Variants in ANKRD28 observed in about 807,000 individuals in gnomAD.
ANKRD28 encodes the protein ankyrin repeat domain 28.
ANKRD28 carries 44 observed loss-of-function variants against 126.5 expected under a neutral mutation model. The observed-to-expected ratio is 0.35, with a 90% CI of 0.27 to 0.45. The LOEUF is 0.45. Ranked by LOEUF, ANKRD28 falls within the 20% of genes least tolerant of loss-of-function variation. ANKRD28 has a pLI of 1.00. For synonymous variants in ANKRD28, 442 were observed against 468.5 expected, an observed-to-expected ratio of 0.94 and a Z score of 0.73; for missense variants, 1,110 against 1,316.6, an observed-to-expected ratio of 0.84 and a Z score of 2.43.
At chr3:15,848,797 A>T (rs1176641488) in intron 1 of ANKRD28, among the ~76,000 whole-genome samples, 13 of 152,208 alleles carry the variant, frequency 8.5e-5, no homozygotes, top group African/African-American at 2.7e-4. Flanking sequence ...ATGATGAAAG[A>T]TCATGAACAA....
At chr3:15,749,881 A>G (rs2057753769) in intron 4 of ANKRD28, among the ~76,000 whole-genome samples, 1 of 152,204 alleles carries the variant, frequency 6.6e-6, no homozygotes, top group African/African-American at 2.4e-5. Flanking sequence ...GGATACTAGC[A>G]CCTGCTCCAG....
At chr3:15,709,577 A>T (rs2071948703) in intron 13 of ANKRD28, 91 bp downstream of exon 13, 5 of 836,780 alleles carry the variant, frequency 6.0e-6, no homozygotes, top group Non-Finnish European at 9.5e-6. Flanking sequence ...AAGATGCTAA[A>T]TTGTTCAGTT....
At chr3:15,847,651 C>T (rs960656822) in intron 1 of ANKRD28, among the ~76,000 whole-genome samples, 2 of 152,226 alleles carry the variant, frequency 1.3e-5, no homozygotes, top group African/African-American at 4.8e-5. Context: ...CCTTCTCCTT[C>T]AGCCCCTACT....
intron 2 of ANKRD28, among the ~76,000 whole-genome samples, chr3:15,784,714 T>G (rs1440736503): frequency 6.6e-6 from 1 of 151,978 alleles, no homozygotes; most frequent in Non-Finnish European, 1.5e-5. Context: ...AGACAAAAAT[T>G]GTCAGACTCG....
At chr3:15,760,337 A>T (rs1464715060) in intron 3 of ANKRD28, among the ~76,000 whole-genome samples, 1 of 152,212 alleles carries the variant, frequency 6.6e-6, no homozygotes, top group Non-Finnish European at 1.5e-5. Flanking sequence ...CCTGAACTTA[A>T]AATTTGGTTA....
At chr3:15,842,933 C>G (rs148238794) in intron 1 of ANKRD28, among the ~76,000 whole-genome samples, 2 of 152,134 alleles carry the variant, frequency 1.3e-5, no homozygotes, top group Non-Finnish European at 2.9e-5. Context: ...ATAGCACACC[C>G]GGACAGAAAC....
rs1411964508 is a variant in ANKRD28 at position 15,797,576 on chromosome 3, G to A, written c.-1055C>T. On this transcript the variant is annotated 5_prime_UTR_variant, in exon 1 of 28. Coordinates refer to ENST00000683139, the MANE Select transcript of ANKRD28 (RefSeq NM_001349278.2). The stretch of plus-strand genomic sequence containing the variant: ...TTTTCTTTAAAAAAAAAAAGGGGGG[G>A]GAAAAACATAGTAGTGTATCATTCC... The A allele has an allele frequency of 2.0e-6, 2 of 984,796 alleles. No individual in the cohort carries two copies. Among genetic ancestry groups the A allele is most frequent in the South Asian group, 9.4e-5 (2 of 21,256 alleles). The allele number at this position is 984,796 out of a possible 1,614,324, so 61.0% of individuals were successfully genotyped here. A position where few individuals can be genotyped will look rare whatever the true frequency, so the allele number is the denominator to read the frequency against.
intron 21 of ANKRD28, among the ~76,000 whole-genome samples, chr3:15,680,679 T>A (rs2067446481): frequency 6.6e-6 from 1 of 152,042 alleles, no homozygotes; most frequent in Admixed American, 6.6e-5. Flanking sequence ...TTAAAACAAT[T>A]TTTTGAGACA....
At chr3:15,695,289 C>G in intron 15 of ANKRD28, 75 bp from the exon 16 acceptor site, 1 of 1,105,668 alleles carries the variant, frequency 9.0e-7, no homozygotes, top group South Asian at 1.4e-5. Context: ...TTATATAGAG[C>G]TTTGCTAACT....
At position 15,784,859 on chromosome 3, in the gene ANKRD28, T is replaced by A. The variant is rs534045435; in HGVS notation, c.201+10364A>T. ...CAGAGTAGGAAGCACCAGGAATCTG[T>A]CTCCCCAACTAGAAAACAATTCCAC... On this transcript the variant is annotated intron_variant, in intron 2 of 27. Transcript: ENST00000683139. Among the ~76,000 whole-genome samples, 15 of 152,160 alleles carry A rather than the reference T, an allele frequency of 9.9e-5. 1 individual carries two copies. The highest frequency in any genetic ancestry group is 4.6e-4 in the Admixed American group (7 of 15,256).
intron 4 of ANKRD28, among the ~76,000 whole-genome samples, chr3:15,742,160 C>A (rs1410641610): frequency 6.6e-6 from 1 of 151,936 alleles, no homozygotes; most frequent in African/African-American, 2.4e-5. Context: ...GGCCGCCACC[C>A]CGTCTGGGAA....
At position 15,690,002 on chromosome 3, in the gene ANKRD28, C is replaced by T. The variant is rs777127923; in HGVS notation, c.1963+17G>A. On this transcript the variant is annotated intron_variant, in intron 18 of 27. Transcript: ENST00000683139. ...GGATAGAAGTTATAAATAAATCAAG[C>T]ATAATATCTGGCATACCTGCTGCAT... The T allele has an allele frequency of 1.9e-6, 3 of 1,579,994 alleles. No homozygotes were observed. The highest frequency in any genetic ancestry group is 2.6e-6 in the Non-Finnish European group (3 of 1,159,582).
chr3:15,690,685 C>A (rs952166386), intron 17 of ANKRD28, among the ~76,000 whole-genome samples: 3 of 152,200 alleles, frequency 2.0e-5, no homozygotes, highest in Non-Finnish European at 2.9e-5. Context: ...CCACCTCAGC[C>A]TCCTGAGTAG....
chr3:15,670,515 C>T lies in ANKRD28; in HGVS notation c.3007G>A (p.Ala1003Thr), dbSNP rs949585819. Residue 1003 changes from alanine to threonine, a missense_variant, in exon 28 of 28, where the codon GCT becomes ACT. By Grantham distance (58) the Ala-to-Thr change is moderately conservative. Transcript: ENST00000683139. ...GCCAAAATGAGAGCCAGGCAATCAG[C>T]CACATCCTTATTGGGAGCACAGGCC... ...ALACAPNKDV[A>T]DCLALILATM... 6.2e-7 allele frequency: 1 copy of T among 1,613,902 alleles called. No individual in the cohort carries two copies. Among genetic ancestry groups the T allele is most frequent in the Non-Finnish European group, 8.5e-7 (1 of 1,179,848 alleles).
chr3:15,756,590 G>A (rs1373292162), intron 3 of ANKRD28: 7 of 778,114 alleles, frequency 9.0e-6, no homozygotes, highest in Non-Finnish European at 1.1e-5. Context: ...GGAGAGATAC[G>A]TGATCTCATA....
exon 1 of ANKRD28, chr3:15,859,494 C>T: frequency 1.6e-6 from 2 of 1,256,076 alleles, no homozygotes; most frequent in Non-Finnish European, 2.2e-6. Flanking sequence ...CCCCAGTAGC[C>T]TTGGCCGCTG....
intron 4 of ANKRD28, among the ~76,000 whole-genome samples, chr3:15,738,090 T>A (rs2075154992): frequency 6.6e-6 from 1 of 152,114 alleles, no homozygotes; most frequent in Non-Finnish European, 1.5e-5. Context: ...CCATCAACAT[T>A]AAGCAATATA....
intron 8 of ANKRD28, among the ~76,000 whole-genome samples, chr3:15,717,791 C>A (rs2073246311): frequency 6.6e-6 from 1 of 152,132 alleles, no homozygotes; most frequent in Non-Finnish European, 1.5e-5. Flanking sequence ...AAAAAACAGA[C>A]CTATACTGCT....
At chr3:15,738,824 G>A (rs1428154316) in intron 4 of ANKRD28, 1 of 152,220 alleles carries the variant, frequency 6.6e-6, no homozygotes, top group African/African-American at 2.4e-5. Flanking sequence ...ATAGGCCTGG[G>A]AGCGCTATGG....
Sources: allele counts gnomAD v4.1 joint callset (sites outside exome capture counted in the v4.1 genomes callset), GRCh38; gene constraint gnomAD v4.1.1; transcripts MANE v1.5; gene names NCBI Gene and HGNC (gene_info 2026-07-23, HGNC 2026-07-21).